Variants in ALG10B observed in about 807,000 individuals in gnomAD.
The protein encoded by ALG10B is ALG10 alpha-1,2-glucosyltransferase B, also known as dol-P-Glc:Glc(2)Man(9)GlcNAc(2)-PP-Dol alpha-1,2-glucosyltransferase B.
A neutral mutation model predicts 38.7 loss-of-function variants in ALG10B; 27 were observed. The observed-to-expected ratio is 0.70, with a 90% CI of 0.51 to 0.96. The LOEUF (loss-of-function observed/expected upper bound fraction) is 0.96. Ranked by LOEUF, ALG10B falls within the 40% of genes least tolerant of loss-of-function variation. The probability of loss-of-function intolerance (pLI) is 0.00; values close to 1 mark genes in which losing one functional copy is unlikely to be tolerated. For synonymous variants in ALG10B, 177 were observed against 193.3 expected, an observed-to-expected ratio of 0.92 and a Z score of 0.70; for missense variants, 522 against 542.7, an observed-to-expected ratio of 0.96 and a Z score of 0.38.
rs1945737354 is a variant in ALG10B, at chr12:38,325,582, T to G, written c.*4369T>G. ...ATCTTTGAAGTAATTGGAATTTCATTAAAAAGTGAAGCAAGTAAGAATTGT... is the reference window on the plus strand; with the variant it reads ...ATCTTTGAAGTAATTGGAATTTCATGAAAAAGTGAAGCAAGTAAGAATTGT... On this transcript the variant is annotated 3_prime_UTR_variant, in exon 3 of 3. Coordinates refer to ENST00000308742, the MANE Select transcript of ALG10B (RefSeq NM_001013620.4). The G allele has an allele frequency of 6.6e-6, 1 of 152,204 alleles. No individual in the cohort carries two copies. The highest frequency in any genetic ancestry group is 2.4e-5 in the African/African-American group (1 of 41,456). The allele number at this position is 152,204 out of a possible 1,614,324, so 9.4% of individuals were successfully genotyped here.
chr12:38,318,397 T>C lies in ALG10B; in HGVS notation c.308T>C (p.Phe103Ser). 6.2e-7 allele frequency: 1 copy of C among 1,614,180 alleles called. No homozygotes were observed. The highest frequency in any genetic ancestry group is 8.5e-7 in the Non-Finnish European group (1 of 1,180,018). ...ATGCTCAGATTTGTTAATCTTCTCTTCAGTGTTGGCAACTTCTATTTACTA... is the reference window on the plus strand; with the variant it reads ...ATGCTCAGATTTGTTAATCTTCTCTCCAGTGTTGGCAACTTCTATTTACTA... ...IGMLRFVNLL[F>S]SVGNFYLLYL... Residue 103 changes from phenylalanine (F) to serine (S), a missense_variant, in exon 2 of 3, where the codon TTC becomes TCC. Physicochemically the swap from Phe to Ser is radical, Grantham distance 155 (BLOSUM62 -2). Coordinates refer to ENST00000308742, the MANE Select transcript of ALG10B (RefSeq NM_001013620.4).
Position 38,327,201 on chromosome 12 carries a change from C to T in ALG10B, c.*5988C>T, listed in dbSNP as rs564555935. 1.4e-4 allele frequency: 21 copies of T among 149,876 alleles called. No homozygotes were observed. The highest frequency in any genetic ancestry group is 4.2e-4 in the African/African-American group (17 of 40,830). The allele number at this position is 149,876 out of a possible 1,614,324, so 9.3% of individuals were successfully genotyped here. ...TCTCAAAACACCTGCCTCAAGTGAT[C>T]CTCCCACCTTGGCCTCCCAAAGTGC... is the stretch of plus-strand genomic sequence containing the variant. On this transcript the variant is annotated 3_prime_UTR_variant, in exon 3 of 3. Transcript: ENST00000308742.
rs1261592133 is a variant in ALG10B, at chr12:38,326,998, G to C, written c.*5785G>C. 4.7e-5 allele frequency: 7 copies of C among 148,658 alleles called. No homozygotes were observed. In the South Asian group the frequency reaches 1.1e-3, roughly 22 times the overall value. The allele number at this position is 148,658 out of a possible 1,614,324, so 9.2% of individuals were successfully genotyped here. A position where few individuals can be genotyped will look rare whatever the true frequency, so the allele number is the denominator to read the frequency against. ...CACCATCAGACCAAAAGACAATACAGTATTTTTCTAACAAGGAAAAGAAAA... is the reference window on the plus strand; with the variant it reads ...CACCATCAGACCAAAAGACAATACACTATTTTTCTAACAAGGAAAAGAAAA... On this transcript the variant is annotated 3_prime_UTR_variant, in exon 3 of 3. Transcript: ENST00000308742.
At position 38,324,007 on chromosome 12, in the gene ALG10B, A is replaced by C; in HGVS notation, c.*2794A>C. The C allele has an allele frequency of 1.4e-6, 1 of 690,892 alleles. No individual in the cohort carries two copies. Among genetic ancestry groups the C allele is most frequent in the South Asian group, 1.5e-5 (1 of 65,038 alleles). The allele number at this position is 690,892 out of a possible 1,614,324, so 42.8% of individuals were successfully genotyped here. On this transcript the variant is annotated 3_prime_UTR_variant, in exon 3 of 3. Transcript: ENST00000308742. Reference sequence around the variant, plus strand: ...GTAATTAAAGAAGACTGCTCTTTGGAGGGATCACTGTTCTATATCTTTTTT... The same window carrying C: ...GTAATTAAAGAAGACTGCTCTTTGGCGGGATCACTGTTCTATATCTTTTTT...
rs758930813 is a variant in ALG10B at position 38,320,583 on chromosome 12, T to C, written c.792T>C (p.Phe264=). Residue 264 remains phenylalanine, a synonymous_variant, in exon 3 of 3, where the codon TTT becomes TTC. Transcript: ENST00000308742. ...TWPYILLGFL[F]CAFVVVNGGI... ...CCTACATCCTTCTGGGATTTCTGTT[T>C]TGTGCTTTTGTAGTAGTTAATGGTG... The C allele has an allele frequency of 2.5e-6, 4 of 1,614,126 alleles. No individual in the cohort carries two copies. The highest frequency in any genetic ancestry group is 3.4e-6 in the Non-Finnish European group (4 of 1,179,970).
Position 38,325,398 on chromosome 12 carries a change from T to C in ALG10B, c.*4185T>C, listed in dbSNP as rs1387886370. 1 of 152,192 alleles carries C rather than the reference T, an allele frequency of 6.6e-6. No homozygotes were observed. Among genetic ancestry groups the C allele is most frequent in the Non-Finnish European group, 1.5e-5 (1 of 67,994 alleles). 9.4% of individuals were successfully genotyped at this position (152,192 alleles called of 1,614,324 possible). ...AATTGCCACTTGGCTTGATATTATT[T>C]TCCTTAGAATTGTTGGAAGAGAGGA... On this transcript the variant is annotated 3_prime_UTR_variant, in exon 3 of 3. Coordinates refer to ENST00000308742, the MANE Select transcript of ALG10B (RefSeq NM_001013620.4).
chr12:38,325,099 T>C lies in ALG10B; in HGVS notation c.*3886T>C, dbSNP rs1266873310. 1 of 152,216 alleles carries C rather than the reference T, an allele frequency of 6.6e-6. No individual in the cohort carries two copies. Among genetic ancestry groups the C allele is most frequent in the East Asian group, 1.9e-4 (1 of 5,200 alleles). The allele number at this position is 152,216 out of a possible 1,614,324, so 9.4% of individuals were successfully genotyped here. On this transcript the variant is annotated 3_prime_UTR_variant, in exon 3 of 3. Transcript: ENST00000308742. ...AGATTCAGGTATGCTGTGAATTTTGTTAACGTTTATGTTTTCCATTAATGG... is the reference window on the plus strand; with the variant it reads ...AGATTCAGGTATGCTGTGAATTTTGCTAACGTTTATGTTTTCCATTAATGG...
intron 2 of ALG10B, 107 bp downstream of exon 2, chr12:38,318,565 T>A (rs1945676583): frequency 2.4e-6 from 3 of 1,252,612 alleles, no homozygotes; most frequent in Admixed American, 1.9e-5. Flanking sequence ...ACTTTGTAAC[T>A]TTGTATTTTT....
rs1945730453 is a variant in ALG10B, at chr12:38,324,829, T to G, written c.*3616T>G. The G allele has an allele frequency of 6.6e-6, 1 of 152,204 alleles. No homozygotes were observed. The highest frequency in any genetic ancestry group is 2.4e-5 in the African/African-American group (1 of 41,456). 9.4% of individuals were successfully genotyped at this position (152,204 alleles called of 1,614,324 possible). A position where few individuals can be genotyped will look rare whatever the true frequency, so the allele number is the denominator to read the frequency against. On this transcript the variant is annotated 3_prime_UTR_variant, in exon 3 of 3. Transcript: ENST00000308742. ...GAGTAGATAGATATTTTTTCATGAA[T>G]TTTTAAACATTAGACTTAGCTGAAT...
chr12:38,318,482 C>A, intron 2 of ALG10B, 24 bp downstream of exon 2: 11 of 1,602,674 alleles, frequency 6.9e-6, no homozygotes, highest in Non-Finnish European at 9.4e-6. Context: ...TACTTAATTA[C>A]AAGTTTATGT....
Position 38,322,571 on chromosome 12 carries a change from A to G in ALG10B, c.*1358A>G, listed in dbSNP as rs1030853261. 1 of 152,176 alleles carries G rather than the reference A, an allele frequency of 6.6e-6. No homozygotes were observed. The highest frequency in any genetic ancestry group is 2.4e-5 in the African/African-American group (1 of 41,448). 9.4% of individuals were successfully genotyped at this position (152,176 alleles called of 1,614,324 possible). A position where few individuals can be genotyped will look rare whatever the true frequency, so the allele number is the denominator to read the frequency against. On this transcript the variant is annotated 3_prime_UTR_variant, in exon 3 of 3. Transcript: ENST00000308742. ...AATGTGGGATGATTAAATAAAGCTA[A>G]TCTATCCATCACCTCAAATATTTGA... is the stretch of plus-strand genomic sequence containing the variant.
rs1945744451 is a variant in ALG10B at position 38,326,375 on chromosome 12, A to G, written c.*5162A>G. On this transcript the variant is annotated 3_prime_UTR_variant, in exon 3 of 3. Transcript: ENST00000308742. ...CTTGTAAACATGTTGTTTCTTTGAT[A>G]GGATATGATTTCAACATAATTACTG... 1 of 151,874 alleles carries G rather than the reference A, an allele frequency of 6.6e-6. No individual in the cohort carries two copies. The highest frequency in any genetic ancestry group is 6.6e-5 in the Admixed American group (1 of 15,254). The allele number at this position is 151,874 out of a possible 1,614,324, so 9.4% of individuals were successfully genotyped here. A position where few individuals can be genotyped will look rare whatever the true frequency, so the allele number is the denominator to read the frequency against.
chr12:38,323,612 AT>A lies in ALG10B; in HGVS notation c.*2401del. 2.9e-6 allele frequency: 1 copy of A among 340,238 alleles called. No homozygotes were observed. Among genetic ancestry groups the A allele is most frequent in the South Asian group, 4.8e-5 (1 of 20,864 alleles). The allele number at this position is 340,238 out of a possible 1,614,324, so 21.1% of individuals were successfully genotyped here. A position where few individuals can be genotyped will look rare whatever the true frequency, so the allele number is the denominator to read the frequency against. ...ATGAGTCTACATTTACAAATATAAA[AT>A]TGTGTGCAGGTGAAAATTACAAGTA... On this transcript the variant is annotated 3_prime_UTR_variant, in exon 3 of 3. Coordinates refer to ENST00000308742, the MANE Select transcript of ALG10B (RefSeq NM_001013620.4).
intron 1 of ALG10B, chr12:38,317,700 T>A (rs1017606970): frequency 4.5e-5 from 8 of 177,148 alleles, no homozygotes; most frequent in Non-Finnish European, 2.4e-5. Context: ...AAAGTCTGTT[T>A]TAGAGAAAGA....
At chr12:38,316,733 T>TC, upstream of ALG10B, 1 of 1,232,864 alleles carries the variant, frequency 8.1e-7, no homozygotes, top group Non-Finnish European at 1.2e-6. Context: ...CCCGCTGTTT[T>TC]CCGGATCCGC....
In ALG10B at chr12:38,327,089, A is replaced by G. The variant is rs1160276288; in HGVS notation, c.*5876A>G. The G allele has an allele frequency of 1.3e-5, 2 of 148,732 alleles. No individual in the cohort carries two copies. Among genetic ancestry groups the G allele is most frequent in the East Asian group, 3.9e-4 (2 of 5,070 alleles). 9.2% of individuals were successfully genotyped at this position (148,732 alleles called of 1,614,324 possible). On this transcript the variant is annotated 3_prime_UTR_variant, in exon 3 of 3. Coordinates refer to ENST00000308742, the MANE Select transcript of ALG10B (RefSeq NM_001013620.4). Reference sequence around the variant, plus strand: ...TATATATACAAATTTGTATATATGTAATGTATGTGTGTGTGTATACATATA... The same window carrying G: ...TATATATACAAATTTGTATATATGTGATGTATGTGTGTGTGTATACATATA...
Position 38,326,272 on chromosome 12 carries a change from A to G in ALG10B, c.*5059A>G, listed in dbSNP as rs1591940858. On this transcript the variant is annotated 3_prime_UTR_variant, in exon 3 of 3. Transcript: ENST00000308742. ...TCGTGTATTTTATGTGTGGCCCAAG[A>G]TGGTTCTTCCAGTGTGGCCCAGGGA... 6.6e-6 allele frequency: 1 copy of G among 151,728 alleles called. No homozygotes were observed. Among genetic ancestry groups the G allele is most frequent in the African/African-American group, 2.4e-5 (1 of 41,334 alleles). The allele number at this position is 151,728 out of a possible 1,614,324, so 9.4% of individuals were successfully genotyped here. A position where few individuals can be genotyped will look rare whatever the true frequency, so the allele number is the denominator to read the frequency against.
At position 38,326,661 on chromosome 12, in the gene ALG10B, G is replaced by A. The variant is rs930264071; in HGVS notation, c.*5448G>A. Reference sequence around the variant, plus strand: ...CAAATACTTTGTTTTTTTTAGTTGGGCTACATTTTACCACTCTAGGAATAG... The same window carrying A: ...CAAATACTTTGTTTTTTTTAGTTGGACTACATTTTACCACTCTAGGAATAG... On this transcript the variant is annotated 3_prime_UTR_variant, in exon 3 of 3. Transcript: ENST00000308742. 3 of 151,504 alleles carry A rather than the reference G, an allele frequency of 2.0e-5. No homozygotes were observed. Among genetic ancestry groups the A allele is most frequent in the East Asian group, 3.9e-4 (2 of 5,180 alleles). 9.4% of individuals were successfully genotyped at this position (151,504 alleles called of 1,614,324 possible). A position where few individuals can be genotyped will look rare whatever the true frequency, so the allele number is the denominator to read the frequency against.
chr12:38,319,794 C>CAT (rs940485911), intron 2 of ALG10B, among the ~76,000 whole-genome samples: 6 of 152,260 alleles, frequency 3.9e-5, no homozygotes, highest in Admixed American at 3.3e-4. Flanking sequence ...GGCACTAAAA[C>CAT]ATAAGCTCAG....
Sources: allele counts gnomAD v4.1 joint callset (sites outside exome capture counted in the v4.1 genomes callset), GRCh38; gene constraint gnomAD v4.1.1; transcripts MANE v1.5; gene names NCBI Gene and HGNC (gene_info 2026-07-23, HGNC 2026-07-21).